ZNF44: variants seen among roughly 807,000 people sequenced by gnomAD.
The protein encoded by ZNF44 is zinc finger protein 44, also known as gonadotropin inducible transcription repressor-2.
A neutral mutation model predicts 11.7 loss-of-function variants in ZNF44; 9 were observed. That is an observed-to-expected ratio of 0.77 (90% CI 0.46 to 1.35). The LOEUF is 1.35. Ranked by LOEUF, ZNF44 falls within the 40% of genes most tolerant of loss-of-function variation. The probability of loss-of-function intolerance (pLI) is 0.00; values close to 1 mark genes in which losing one functional copy is unlikely to be tolerated. For synonymous variants in ZNF44, 224 were observed against 242.7 expected (o/e 0.92, Z 0.72); for missense variants, 696 against 743.1 (o/e 0.94, Z 0.74).
downstream of ZNF44, among the ~76,000 whole-genome samples, chr19:12,246,981 C>A (rs1373340487): frequency 6.6e-6 from 1 of 151,126 alleles, no homozygotes; most frequent in African/African-American, 2.4e-5. Flanking sequence ...CCAGCCTGGG[C>A]AAGATAATGT....
intron 7 of ZNF44, among the ~76,000 whole-genome samples, chr19:12,249,437 C>G (rs901796284): frequency 2.1e-5 from 3 of 142,702 alleles, no homozygotes; most frequent in African/African-American, 7.9e-5. Flanking sequence ...ACCCAAGAGG[C>G]AGAGCTTGCA....
At chr19:12,288,774 G>GTATATATATATATATATTTATATATATA (rs1967870824) in intron 1 of ZNF44, among the ~76,000 whole-genome samples, 1 of 76,840 alleles carries the variant, frequency 1.3e-5, no homozygotes, top group Non-Finnish European at 2.2e-5. Context: ...AAAAAAAAAT[G>GTATATATATATATATATTTATATATATA]TATATATATA....
downstream of ZNF44, among the ~76,000 whole-genome samples, chr19:12,245,953 T>A (rs925064628): frequency 6.6e-6 from 1 of 152,220 alleles, no homozygotes; most frequent in Non-Finnish European, 1.5e-5. Context: ...CACTGTCTAC[T>A]TCTGTTTTCT....
chr19:12,274,711 G>A (rs956435457), intron 3 of ZNF44, among the ~76,000 whole-genome samples: 10 of 151,576 alleles, frequency 6.6e-5, no homozygotes, highest in Non-Finnish European at 1.5e-4. Context: ...CTGGGATTGC[G>A]GGCATGAGCT....
At chr19:12,227,571 A>AC (rs1915972516) in intron 3 of ZNF44, among the ~76,000 whole-genome samples, 1 of 152,218 alleles carries the variant, frequency 6.6e-6, no homozygotes, top group Non-Finnish European at 1.5e-5. Context: ...GTGCCATTGC[A>AC]CTCCAGCCTG....
At chr19:12,247,273 G>A, downstream of ZNF44, 1 of 1,208,064 alleles carries the variant, frequency 8.3e-7, no homozygotes, top group Non-Finnish European at 1.1e-6. Flanking sequence ...TACATTTATA[G>A]TTTCTATTCA....
chr19:12,267,038 T>TTTTC (rs1555739400), downstream of ZNF44, among the ~76,000 whole-genome samples: 969 of 148,052 alleles, frequency 6.5e-3, 13 homozygotes, highest in African/African-American at 0.022. Flanking sequence ...CATTTTTTCT[T>TTTTC]TTTTCTTTTT....
At chr19:12,244,154 T>C (rs1348996084), downstream of ZNF44, among the ~76,000 whole-genome samples, 1 of 152,152 alleles carries the variant, frequency 6.6e-6, no homozygotes, top group Non-Finnish European at 1.5e-5. Context: ...GGACTACAAT[T>C]GGGCACCACT....
At chr19:12,284,636 A>G (rs1302099357) in intron 1 of ZNF44, 7 of 753,474 alleles carry the variant, frequency 9.3e-6, no homozygotes, top group Admixed American at 2.0e-5. Context: ...TGATTACACC[A>G]GTGCAGAAGC....
chr19:12,240,121 A>G (rs563889441), upstream of ZNF44, among the ~76,000 whole-genome samples: 1 of 152,268 alleles, frequency 6.6e-6, no homozygotes, highest in Admixed American at 6.5e-5. Flanking sequence ...ATCTACAGAT[A>G]CAATGCAACC....
chr19:12,234,125 T>C (rs1249256049), intron 2 of ZNF44, among the ~76,000 whole-genome samples: 2 of 152,044 alleles, frequency 1.3e-5, no homozygotes, highest in Non-Finnish European at 2.9e-5. Flanking sequence ...TGAACGTACA[T>C]TGCTACCAGT....
At chr19:12,260,410 T>G in intron 5 of ZNF44, 1 of 1,440,868 alleles carries the variant, frequency 6.9e-7, no homozygotes, top group Non-Finnish European at 9.6e-7. Flanking sequence ...ATCAGACACA[T>G]GATCCTCAAG....
At chr19:12,248,145 G>A (rs1330059552) in exon 8 of ZNF44, 2 of 1,302,260 alleles carry the variant, frequency 1.5e-6, no homozygotes, top group Non-Finnish European at 2.0e-6. Context: ...CCTTTCATGT[G>A]CTCGAGCAGA....
chr19:12,245,372 TGCA>T (rs1213570669), downstream of ZNF44, among the ~76,000 whole-genome samples: 12 of 152,240 alleles, frequency 7.9e-5, no homozygotes, highest in Non-Finnish European at 1.0e-4. Flanking sequence ...AAGAAATACC[TGCA>T]GAAGTTGTTT....
At chr19:12,247,236 C>G (rs769981189), downstream of ZNF44, 1 of 1,131,944 alleles carries the variant, frequency 8.8e-7, no homozygotes. Flanking sequence ...CTTTGAAAAT[C>G]GTTAAAATTG....
chr19:12,244,153 T>C (rs1011668938), downstream of ZNF44, among the ~76,000 whole-genome samples: 6 of 152,266 alleles, frequency 3.9e-5, no homozygotes, highest in East Asian at 1.9e-4. Flanking sequence ...GGGACTACAA[T>C]TGGGCACCAC....
chr19:12,257,967 T>C (rs2145701131), intron 5 of ZNF44, among the ~76,000 whole-genome samples: 1 of 150,988 alleles, frequency 6.6e-6, no homozygotes, highest in Admixed American at 6.6e-5. Flanking sequence ...CGAAACTCTA[T>C]CTCAAAACAA....
chr19:12,248,450 T>C lies in ZNF44; in HGVS notation c.*415A>G, dbSNP rs2438563. The C allele has an allele frequency of 0.012, 15,718 of 1,290,966 alleles. 1,633 individuals carry two copies. The African/African-American group carries it at 0.22, about 18-fold the overall frequency. The allele number at this position is 1,290,966 out of a possible 1,614,324, so 80.0% of individuals were successfully genotyped here. On this transcript the variant is annotated 3_prime_UTR_variant and NMD_transcript_variant, in exon 8 of 8. Coordinates refer to the ZNF44 transcript ENST00000393337. ...GTTTCCCACATTTCTTACATTTATA[T>C]GGCTTCTCTCCATATTCCTGACACT...
downstream of ZNF44, among the ~76,000 whole-genome samples, chr19:12,270,557 T>C (rs1966917210): frequency 1.3e-5 from 2 of 152,006 alleles, no homozygotes; most frequent in South Asian, 4.1e-4. Context: ...GTTCAAGTGA[T>C]TCTCCTGCCT....
Sources: gnomAD v4.1 joint callset for allele counts (sites outside exome capture counted in the v4.1 genomes callset) on GRCh38, gnomAD v4.1.1 for gene constraint, MANE v1.5 for transcripts, NCBI Gene and HGNC (gene_info 2026-07-23, HGNC 2026-07-21) for gene names.